XPC: variants seen among roughly 807,000 people sequenced by gnomAD.
XPC encodes XPC complex subunit, DNA damage recognition and repair factor.
In XPC, 76 loss-of-function variants were observed where a neutral mutation model predicts 95.8. The ratio of observed to expected loss-of-function variants is 0.79; its 90% CI spans 0.66 to 0.96. The LOEUF (loss-of-function observed/expected upper bound fraction) is 0.96, where lower values mean the gene tolerates loss of function less well. Among genes scored for constraint, XPC ranks in the 40% least tolerant of loss-of-function variants. The pLI is 0.00. For synonymous variants in XPC, 442 were observed against 442.1 expected, an observed-to-expected ratio of 1.00 and a Z score of 0.00; for missense variants, 1,146 against 1,179.8, an observed-to-expected ratio of 0.97 and a Z score of 0.42.
At chr3:14,176,640 G>A (rs1696827352) in intron 1 of XPC, among the ~76,000 whole-genome samples, 1 of 152,172 alleles carries the variant, frequency 6.6e-6, no homozygotes, top group Non-Finnish European at 1.5e-5. Flanking sequence ...CACCTCCTAA[G>A]TTTACGAATT....
chr3:14,160,537 T>C (rs1396695314), intron 7 of XPC, among the ~76,000 whole-genome samples: 1 of 152,202 alleles, frequency 6.6e-6, no homozygotes, highest in African/African-American at 2.4e-5. Flanking sequence ...AAGCCATTGT[T>C]ATGGTGAGAA....
chr3:14,149,549 C>A (rs1330509451), intron 11 of XPC: 1 of 152,178 alleles, frequency 6.6e-6, no homozygotes, highest in East Asian at 1.9e-4. Flanking sequence ...ACAACCTCCA[C>A]CTCCCGGATT....
intron 11 of XPC, among the ~76,000 whole-genome samples, chr3:14,149,306 A>G (rs1247976103): frequency 6.6e-6 from 1 of 151,962 alleles, no homozygotes; most frequent in Non-Finnish European, 1.5e-5. Flanking sequence ...GCTGGTCTCG[A>G]ACTCCTGACC....
At chr3:14,172,224 C>T (rs1696643518) in intron 2 of XPC, among the ~76,000 whole-genome samples, 1 of 152,152 alleles carries the variant, frequency 6.6e-6, no homozygotes. Context: ...AAAAGGAACC[C>T]CACATGGTTC....
At chr3:14,175,572 G>T (rs1019237446) in intron 1 of XPC, among the ~76,000 whole-genome samples, 1 of 152,078 alleles carries the variant, frequency 6.6e-6, no homozygotes, top group Non-Finnish European at 1.5e-5. Flanking sequence ...AATAGTAGGC[G>T]CTCAATAAAC....
At chr3:14,160,054 A>G (rs1427474434) in intron 7 of XPC, among the ~76,000 whole-genome samples, 1 of 152,220 alleles carries the variant, frequency 6.6e-6, no homozygotes, top group Non-Finnish European at 1.5e-5. Context: ...AAAGGAAAAT[A>G]GAAGTTTTCC....
At chr3:14,154,428 C>A (rs1695818972) in intron 10 of XPC, among the ~76,000 whole-genome samples, 1 of 152,138 alleles carries the variant, frequency 6.6e-6, no homozygotes, top group Non-Finnish European at 1.5e-5. Context: ...AAGGCACAAA[C>A]AAAATGTGGT....
At chr3:14,150,651 G>A (rs1352727348) in intron 11 of XPC, among the ~76,000 whole-genome samples, 3 of 152,218 alleles carry the variant, frequency 2.0e-5, no homozygotes, top group African/African-American at 7.2e-5. Flanking sequence ...TCCTGCAGGG[G>A]AAGAGACAGA....
chr3:14,147,058 C>T (rs935236207), intron 15 of XPC, among the ~76,000 whole-genome samples: 2 of 152,300 alleles, frequency 1.3e-5, no homozygotes, highest in East Asian at 1.9e-4. Flanking sequence ...ACAGTAGAAA[C>T]GGGGACACTG....
At chr3:14,156,297 C>G in intron 10 of XPC, 38 bp downstream of exon 10, 1 of 1,586,802 alleles carries the variant, frequency 6.3e-7, no homozygotes. Context: ...CCCATGCCAT[C>G]AGGAAGCCCC....
intron 2 of XPC, among the ~76,000 whole-genome samples, chr3:14,171,448 G>C (rs927649727): frequency 1.3e-5 from 2 of 152,166 alleles, no homozygotes; most frequent in Non-Finnish European, 2.9e-5. Context: ...AGCTTTCCTT[G>C]GCAGTATCGT....
rs141523491 is a variant in XPC at position 14,159,792 on chromosome 3, G to A, written c.939C>T (p.Thr313=). The part of the protein sequence containing the change: ...LLILRALQLL[T]RLVLSLQPIP... ...TTGGCTGTAGAGACAATACCAGCCGGGTCAAGAGCTGCAGAGCCCGGAGAA... is the reference window on the plus strand; with the variant it reads ...TTGGCTGTAGAGACAATACCAGCCGAGTCAAGAGCTGCAGAGCCCGGAGAA... The change falls in exon 8 of 16, where the codon ACC becomes ACT. Residue 313 remains threonine, a synonymous_variant. Transcript: ENST00000285021. 8.8e-5 allele frequency: 138 copies of A among 1,562,050 alleles called. 1 individual carries two copies. The East Asian group carries it at 3.1e-3, about 36-fold the overall frequency.
At position 14,165,494 on chromosome 3, in the gene XPC, G is replaced by T; in HGVS notation, c.713C>A (p.Pro238Gln). The T allele has an allele frequency of 3.7e-6, 6 of 1,608,642 alleles. No homozygotes were observed. Among genetic ancestry groups the T allele is most frequent in the Non-Finnish European group, 5.1e-6 (6 of 1,177,424 alleles). Reference protein sequence around the residue: ...DLHAIGLSIIPARFTRVLPRD... With the variant: ...DLHAIGLSIIQARFTRVLPRD... ...AGGCAGCACTCTGGTAAAGCGGGCT[G>T]GGATGATGGACAGGCCAATAGCATG... is the stretch of plus-strand genomic sequence containing the variant. The change falls in exon 6 of 16, where the codon CCA becomes CAA. Residue 238 changes from proline (P) to glutamine (Q), a missense_variant. Physicochemically the swap from Pro to Gln is moderately conservative, Grantham distance 76. Transcript: ENST00000285021.
At chr3:14,154,914 T>C (rs1052401118) in intron 10 of XPC, among the ~76,000 whole-genome samples, 1 of 152,040 alleles carries the variant, frequency 6.6e-6, no homozygotes, top group East Asian at 1.9e-4. Flanking sequence ...AATCAATAAA[T>C]ATGCACCTCT....
At chr3:14,148,051 C>G (rs1016104948) in intron 13 of XPC, 50 bp from the exon 14 acceptor site, 23 of 1,462,088 alleles carry the variant, frequency 1.6e-5, no homozygotes, top group Non-Finnish European at 2.1e-5. Context: ...GCCTGCTCTG[C>G]CTCTCCTCCC....
rs538155801 is a variant in XPC, at chr3:14,145,433, T to G, written c.*508A>C. ...CTGCAAAGAGGCAGTGAGGGCAGCATTAGTAAGCCTGACTCAGGGGAAGGT... is the reference window on the plus strand; with the variant it reads ...CTGCAAAGAGGCAGTGAGGGCAGCAGTAGTAAGCCTGACTCAGGGGAAGGT... On this transcript the variant is annotated 3_prime_UTR_variant, in exon 16 of 16. Transcript: ENST00000285021. 3.2e-5 allele frequency: 22 copies of G among 695,892 alleles called. No individual in the cohort carries two copies. The highest frequency in any genetic ancestry group is 3.0e-4 in the African/African-American group (17 of 57,082). The allele number at this position is 695,892 out of a possible 1,614,324, so 43.1% of individuals were successfully genotyped here.
intron 1 of XPC, among the ~76,000 whole-genome samples, chr3:14,173,957 A>T (rs1366387707): frequency 6.6e-6 from 1 of 152,188 alleles, no homozygotes; most frequent in African/African-American, 2.4e-5. Context: ...CCTAAAATAT[A>T]AAATTATTTA....
In XPC at chr3:14,158,926, TC is replaced by T. The variant is rs2125026854; in HGVS notation, c.991-35del. 1 of 1,611,918 alleles carries T rather than the reference TC, an allele frequency of 6.2e-7. No homozygotes were observed. ...GAATAAGAAATTTTGCTTTTTTTTC[TC>T]CCCCCTCTTTTGCTAATGATATGAT... On this transcript the variant is annotated intron_variant, in intron 8 of 15. Transcript: ENST00000285021. This position sits in a 1 kb window ranked among gnomAD's most constrained non-coding sequence, Gnocchi z 5.2.
Position 14,158,244 on chromosome 3 carries a change from A to G in XPC, c.1639T>C (p.Cys547Arg). 1 of 1,613,950 alleles carries G rather than the reference A, an allele frequency of 6.2e-7. No individual in the cohort carries two copies. The highest frequency in any genetic ancestry group is 1.1e-5 in the South Asian group (1 of 91,078). ...GGCTGGCCCACCACACCGTGCACAC[A>G]GTCTACACATACCCACTTTTCCTCC... ...EQEEKWVCVD[C>R]VHGVVGQPLT... The change falls in exon 9 of 16, where the codon TGT becomes CGT. Residue 547 changes from cysteine (C) to arginine (R), a missense_variant. By Grantham distance (180) the Cys-to-Arg change is radical. Transcript: ENST00000285021. This position sits in a 1 kb window ranked among gnomAD's most constrained non-coding sequence, Gnocchi z 5.2.
Sources: gnomAD v4.1 joint callset for allele counts (sites outside exome capture counted in the v4.1 genomes callset) on GRCh38, gnomAD v4.1.1 for gene constraint, Gnocchi (gnomAD v3.1) non-coding constraint, MANE v1.5 for transcripts, NCBI Gene and HGNC (gene_info 2026-07-23, HGNC 2026-07-21) for gene names.